Variants in SMYD3 observed in about 807,000 individuals in gnomAD.
SMYD3 encodes the protein SET and MYND domain containing 3.
In SMYD3, 36 loss-of-function variants were observed where a neutral mutation model predicts 57.7. The observed-to-expected ratio is 0.62, with a 90% CI of 0.48 to 0.82. The LOEUF (loss-of-function observed/expected upper bound fraction) is 0.82, where lower values mean the gene tolerates loss of function less well. Among genes scored for constraint, SMYD3 ranks in the 40% least tolerant of loss-of-function variants. The pLI is 0.00. For synonymous variants in SMYD3, 211 were observed against 195.0 expected (o/e 1.08, Z -0.68); for missense variants, 515 against 538.8 (o/e 0.96, Z 0.44).
chr1:246,095,343 T>C (rs978317449), intron 5 of SMYD3, among the ~76,000 whole-genome samples: 1 of 152,208 alleles, frequency 6.6e-6, no homozygotes, highest in Non-Finnish European at 1.5e-5. Flanking sequence ...ATCGAACTTA[T>C]ACTGTATGCC....
chr1:245,790,470 C>T (rs1402225135), intron 10 of SMYD3, among the ~76,000 whole-genome samples: 1 of 152,186 alleles, frequency 6.6e-6, no homozygotes. Context: ...TCAGGGTCGG[C>T]AAAGCTTTTC....
intron 10 of SMYD3, among the ~76,000 whole-genome samples, chr1:245,845,024 C>T (rs2050594566): frequency 6.6e-6 from 1 of 152,230 alleles, no homozygotes; most frequent in South Asian, 2.1e-4. Flanking sequence ...TGTACCCCTA[C>T]TCACTTTGAT....
chr1:246,035,231 G>A (rs1337704884), intron 5 of SMYD3: 1 of 152,170 alleles, frequency 6.6e-6, no homozygotes, highest in East Asian at 1.9e-4. Flanking sequence ...ATCAAAACCT[G>A]GCAATTTGCC....
chr1:246,225,351 A>C (rs6666195), intron 5 of SMYD3, among the ~76,000 whole-genome samples: 30,727 of 141,258 alleles, frequency 0.22, 4,609 homozygotes, highest in East Asian at 0.61. Flanking sequence ...AAAAAAAAAA[A>C]AAAAAACAGA....
At chr1:246,286,962 C>T (rs1331480108) in intron 5 of SMYD3, among the ~76,000 whole-genome samples, 1 of 151,824 alleles carries the variant, frequency 6.6e-6, no homozygotes, top group Non-Finnish European at 1.5e-5. Context: ...CCTCCGCCCC[C>T]TAGGTTCAAG....
chr1:246,395,688 CG>C (rs2066653109), intron 1 of SMYD3, among the ~76,000 whole-genome samples: 1 of 70,354 alleles, frequency 1.4e-5, no homozygotes, highest in Non-Finnish European at 2.8e-5. Context: ...ACAGGGAAGA[CG>C]AACCCACCAT....
chr1:245,973,255 T>C (rs2058344872), intron 5 of SMYD3, among the ~76,000 whole-genome samples: 1 of 152,242 alleles, frequency 6.6e-6, no homozygotes, highest in Non-Finnish European at 1.5e-5. Context: ...ATCATCATTG[T>C]TGCTTTTGTT....
At chr1:245,921,460 C>T (rs1029207208) in intron 7 of SMYD3, among the ~76,000 whole-genome samples, 1 of 151,936 alleles carries the variant, frequency 6.6e-6, no homozygotes, top group Non-Finnish European at 1.5e-5. Flanking sequence ...AACACACATG[C>T]ACTCACGTGT....
intron 5 of SMYD3, among the ~76,000 whole-genome samples, chr1:246,004,990 C>T (rs559911127): frequency 2.0e-5 from 3 of 152,226 alleles, no homozygotes; most frequent in East Asian, 1.9e-4. Flanking sequence ...GGACTACAGG[C>T]GTGCACCACC....
At chr1:246,146,984 G>A (rs1036582212) in intron 5 of SMYD3, among the ~76,000 whole-genome samples, 4 of 152,108 alleles carry the variant, frequency 2.6e-5, no homozygotes, top group African/African-American at 9.7e-5. Flanking sequence ...CTTGTTAATC[G>A]GCAGGCAGGC....
chr1:246,181,958 T>C (rs763976160), intron 5 of SMYD3, among the ~76,000 whole-genome samples: 3 of 152,244 alleles, frequency 2.0e-5, no homozygotes, highest in Non-Finnish European at 4.4e-5. Context: ...TACCTTTGCT[T>C]ATTTCACAGG....
chr1:246,353,903 T>C (rs546757990), intron 2 of SMYD3, among the ~76,000 whole-genome samples: 1 of 152,366 alleles, frequency 6.6e-6, no homozygotes, highest in African/African-American at 2.4e-5. Flanking sequence ...TTCCCTGAGA[T>C]AATTTAACCA....
At chr1:246,390,076 T>C (rs921698914) in intron 1 of SMYD3, among the ~76,000 whole-genome samples, 2 of 151,978 alleles carry the variant, frequency 1.3e-5, no homozygotes, top group Admixed American at 6.6e-5. Flanking sequence ...GGAAAAACCT[T>C]ACCTTTGTTC....
At chr1:246,009,441 T>C (rs2059238097) in intron 5 of SMYD3, among the ~76,000 whole-genome samples, 1 of 152,218 alleles carries the variant, frequency 6.6e-6, no homozygotes, top group East Asian at 1.9e-4. Flanking sequence ...TTCACATTTT[T>C]TGAAGTCACA....
intron 10 of SMYD3, among the ~76,000 whole-genome samples, chr1:245,798,389 C>T (rs886814803): frequency 8.1e-5 from 6 of 74,026 alleles, no homozygotes; most frequent in African/African-American, 7.7e-4. Context: ...CACACACACG[C>T]GCACACACAC....
At chr1:246,075,287 A>T (rs192295888) in intron 5 of SMYD3, among the ~76,000 whole-genome samples, 1 of 152,350 alleles carries the variant, frequency 6.6e-6, no homozygotes, top group African/African-American at 2.4e-5. Flanking sequence ...AGAGGAAGAG[A>T]AAGACACAAA....
intron 10 of SMYD3, among the ~76,000 whole-genome samples, chr1:245,777,287 G>A (rs2046643346): frequency 6.6e-6 from 1 of 152,186 alleles, no homozygotes; most frequent in African/African-American, 2.4e-5. Context: ...TAATGATGGT[G>A]TAAAGTAATT....
At chr1:246,448,266 GA>G (rs1431348599) in intron 1 of SMYD3, among the ~76,000 whole-genome samples, 1 of 152,170 alleles carries the variant, frequency 6.6e-6, no homozygotes, top group Non-Finnish European at 1.5e-5. Flanking sequence ...ACATGATGCT[GA>G]AGCCACTATT....
chr1:246,476,908 C>T (rs1415804762), intron 1 of SMYD3, among the ~76,000 whole-genome samples: 22 of 152,138 alleles, frequency 1.4e-4, no homozygotes, highest in Admixed American at 1.2e-3. Flanking sequence ...TTATCAAATA[C>T]GTCACAAAAA....
Sources: allele counts gnomAD v4.1 joint callset (sites outside exome capture counted in the v4.1 genomes callset), GRCh38; gene constraint gnomAD v4.1.1; transcripts MANE v1.5; gene names NCBI Gene and HGNC (gene_info 2026-07-23, HGNC 2026-07-21).